RASGEF1A: variants seen among roughly 807,000 people sequenced by gnomAD.
The protein encoded by RASGEF1A is RasGEF domain family member 1A.
RASGEF1A carries 18 observed loss-of-function variants against 56.4 expected under a neutral mutation model. The ratio of observed to expected loss-of-function variants is 0.32; its 90% CI spans 0.22 to 0.47. The LOEUF is 0.47. Among genes scored for constraint, RASGEF1A ranks in the 20% least tolerant of loss-of-function variants. The probability of loss-of-function intolerance (pLI) is 1.00; values close to 1 mark genes in which losing one functional copy is unlikely to be tolerated. For synonymous variants in RASGEF1A, 245 were observed against 242.6 expected (o/e 1.01, Z -0.09); for missense variants, 422 against 627.1 (o/e 0.67, Z 3.49).
intron 1 of RASGEF1A, among the ~76,000 whole-genome samples, chr10:43,253,364 C>T (rs1205802608): frequency 6.6e-6 from 1 of 152,206 alleles, no homozygotes; most frequent in Non-Finnish European, 1.5e-5. Flanking sequence ...GGGTATGGCC[C>T]CCAAATATGC....
chr10:43,198,114 T>A lies in RASGEF1A; in HGVS notation c.1114A>T (p.Ser372Cys). The change falls in exon 10 of 13, where the codon AGC becomes TGC. Residue 372 changes from serine to cysteine, a missense_variant. Physicochemically the swap from Ser to Cys is moderately radical, Grantham distance 112. This residue lies in a region of RASGEF1A where 149 missense variants were observed against 287.2 expected (regional missense o/e 0.52). Transcript: ENST00000395810. Reference sequence around the variant, plus strand: ...GGGATGACGATCTTTTCACGGCTGCTGTTGGCCATCTGGGACCTCTGCGTG... The same window carrying A: ...GGGATGACGATCTTTTCACGGCTGCAGTTGGCCATCTGGGACCTCTGCGTG... ...GATQRSQMANSSREKIVIPVF... is the reference protein window; with the variant it reads ...GATQRSQMANCSREKIVIPVF... The A allele has an allele frequency of 6.2e-7, 1 of 1,614,224 alleles. No individual in the cohort carries two copies. The highest frequency in any genetic ancestry group is 8.5e-7 in the Non-Finnish European group (1 of 1,180,016).
Position 43,195,615 on chromosome 10 carries a change from AC to A in RASGEF1A, c.*628del, listed in dbSNP as rs1162775366. On this transcript the variant is annotated 3_prime_UTR_variant, in exon 13 of 13. Transcript: ENST00000395810. The surrounding 1 kb of genome is among the most constrained non-coding windows in gnomAD (Gnocchi z 4.2). ...GCCAGGTGCCCCCTGCCCCTCCCTGACCCCACAAATCCCTGAAAGGAAAATG... is the reference window on the plus strand; with the variant it reads ...GCCAGGTGCCCCCTGCCCCTCCCTGACCCACAAATCCCTGAAAGGAAAATG... The A allele has an allele frequency of 1.3e-5, 2 of 152,534 alleles. No homozygotes were observed. The highest frequency in any genetic ancestry group is 2.9e-5 in the Non-Finnish European group (2 of 68,032). 9.4% of individuals were successfully genotyped at this position (152,534 alleles called of 1,614,324 possible).
chr10:43,196,238 T>C lies in RASGEF1A; in HGVS notation c.*6A>G. 1 of 1,612,858 alleles carries C rather than the reference T, an allele frequency of 6.2e-7. No individual in the cohort carries two copies. The highest frequency in any genetic ancestry group is 8.5e-7 in the Non-Finnish European group (1 of 1,179,174). The stretch of plus-strand genomic sequence containing the variant: ...GCTTCCTCTGGCGTCGCGGGCTGCA[T>C]CCGCCTCAGGCTCTGTTCAGAAGGG... On this transcript the variant is annotated 3_prime_UTR_variant, in exon 13 of 13. Coordinates refer to ENST00000395810, the MANE Select transcript of RASGEF1A (RefSeq NM_145313.4). This position sits in a 1 kb window ranked among gnomAD's most constrained non-coding sequence, Gnocchi z 4.6.
At chr10:43,209,185 T>A (rs981870317) in intron 1 of RASGEF1A, 6 of 985,342 alleles carry the variant, frequency 6.1e-6, no homozygotes, top group Admixed American at 6.1e-5. Flanking sequence ...GCCATCATGA[T>A]ACACCGATGG....
chr10:43,230,011 G>A (rs1276989512), intron 1 of RASGEF1A, among the ~76,000 whole-genome samples: 1 of 152,008 alleles, frequency 6.6e-6, no homozygotes, highest in Non-Finnish European at 1.5e-5. Flanking sequence ...GTGCCGGGGT[G>A]TGAGGCTGGA....
At chr10:43,220,917 C>T (rs1012290813) in intron 1 of RASGEF1A, among the ~76,000 whole-genome samples, 1 of 152,096 alleles carries the variant, frequency 6.6e-6, no homozygotes, top group Non-Finnish European at 1.5e-5. Flanking sequence ...GCCAGGCATC[C>T]CTGAGACCCA....
intron 1 of RASGEF1A, among the ~76,000 whole-genome samples, chr10:43,248,293 T>C (rs1840588773): frequency 6.8e-6 from 1 of 148,022 alleles, no homozygotes; most frequent in Admixed American, 6.8e-5. Flanking sequence ...GTGACAGAGG[T>C]TGCAGTGAGC....
intron 1 of RASGEF1A, among the ~76,000 whole-genome samples, chr10:43,235,737 A>C (rs1231778165): frequency 6.6e-6 from 1 of 152,204 alleles, no homozygotes; most frequent in Non-Finnish European, 1.5e-5. Flanking sequence ...TGCCACATGC[A>C]CAGGGGACAG....
At chr10:43,251,995 G>A (rs10793427) in intron 1 of RASGEF1A, among the ~76,000 whole-genome samples, 28,995 of 152,198 alleles carry the variant, frequency 0.19, 3,131 homozygotes, top group East Asian at 0.51. Context: ...GGATGGTAGC[G>A]GCACCCTGAG....
At position 43,196,423 on chromosome 10, in the gene RASGEF1A, C is replaced by A; in HGVS notation, c.1421+53G>T. 6.3e-7 allele frequency: 1 copy of A among 1,587,422 alleles called. No individual in the cohort carries two copies. The highest frequency in any genetic ancestry group is 8.7e-7 in the Non-Finnish European group (1 of 1,155,906). On this transcript the variant is annotated intron_variant, in intron 12 of 12. Transcript: ENST00000395810. This position sits in a 1 kb window ranked among gnomAD's most constrained non-coding sequence, Gnocchi z 4.6. ...TCCAGGAGGGTAACCCTCGTGCCCA[C>A]CCTGAGTCCTCCCTCTTCCTTACAG...
chr10:43,223,013 T>C (rs551895166), intron 1 of RASGEF1A, among the ~76,000 whole-genome samples: 7 of 150,828 alleles, frequency 4.6e-5, no homozygotes. Context: ...GTTTTTTTTT[T>C]ATAACCCTAT....
intron 1 of RASGEF1A, among the ~76,000 whole-genome samples, chr10:43,237,718 A>ATGCTGGCTCAT (rs1840449493): frequency 6.6e-6 from 1 of 151,910 alleles, no homozygotes; most frequent in South Asian, 2.1e-4. Flanking sequence ...CAGGATGCCT[A>ATGCTGGCTCAT]GCTGGCTCCG....
intron 1 of RASGEF1A, among the ~76,000 whole-genome samples, chr10:43,254,193 T>C (rs913265534): frequency 6.6e-6 from 1 of 152,098 alleles, no homozygotes; most frequent in Non-Finnish European, 1.5e-5. Flanking sequence ...GCCAGGACAC[T>C]TCAGGGAGGG....
At chr10:43,241,054 C>T (rs934777854) in intron 1 of RASGEF1A, among the ~76,000 whole-genome samples, 1 of 152,030 alleles carries the variant, frequency 6.6e-6, no homozygotes, top group Non-Finnish European at 1.5e-5. Flanking sequence ...GAAGACCTGC[C>T]TTATAAGAAC....
At chr10:43,205,564 T>G (rs1839981063) in intron 2 of RASGEF1A, among the ~76,000 whole-genome samples, 1 of 152,086 alleles carries the variant, frequency 6.6e-6, no homozygotes. Context: ...GGACCCCAAG[T>G]GCTGGCTTTG....
chr10:43,262,389 A>AC (rs1044896694), intron 1 of RASGEF1A, among the ~76,000 whole-genome samples: 3 of 151,442 alleles, frequency 2.0e-5, no homozygotes, highest in African/African-American at 4.9e-5. Flanking sequence ...TCCCAGCCCC[A>AC]CCCCCCAGGA....
At chr10:43,229,002 G>A (rs1701660813) in intron 1 of RASGEF1A, among the ~76,000 whole-genome samples, 2 of 152,206 alleles carry the variant, frequency 1.3e-5, no homozygotes, top group South Asian at 4.1e-4. Context: ...ACCGCCTTAC[G>A]CCTCTGGGGA....
At chr10:43,231,900 G>C (rs1840374330) in intron 1 of RASGEF1A, among the ~76,000 whole-genome samples, 1 of 152,258 alleles carries the variant, frequency 6.6e-6, no homozygotes, top group Admixed American at 6.5e-5. Context: ...AGGTGTGGTG[G>C]GGCCAGTGGC....
intron 1 of RASGEF1A, among the ~76,000 whole-genome samples, chr10:43,250,648 G>T (rs576584856): frequency 2.4e-4 from 36 of 152,220 alleles, no homozygotes; most frequent in Non-Finnish European, 4.4e-4. Context: ...GGGAAGGGGG[G>T]GGTCAGGCAC....
Sources: gnomAD v4.1 joint callset for allele counts (sites outside exome capture counted in the v4.1 genomes callset) on GRCh38, gnomAD v4.1.1 for gene constraint, gnomAD v4.1.1 regional missense constraint, Gnocchi (gnomAD v3.1) non-coding constraint, MANE v1.5 for transcripts, NCBI Gene and HGNC (gene_info 2026-07-23, HGNC 2026-07-21) for gene names.